Variants in ARHGAP22 observed in about 807,000 individuals in gnomAD.
ARHGAP22 encodes Rho GTPase activating protein 22.
In ARHGAP22, 48 loss-of-function variants were observed where a neutral mutation model predicts 59.1. The ratio of observed to expected loss-of-function variants is 0.81; its 90% CI spans 0.64 to 1.03. The LOEUF (loss-of-function observed/expected upper bound fraction) is 1.03. Among genes scored for constraint, ARHGAP22 ranks in the 50% least tolerant of loss-of-function variants. The pLI is 0.00. For synonymous variants in ARHGAP22, 445 were observed against 416.4 expected, an observed-to-expected ratio of 1.07 and a Z score of -0.84; for missense variants, 1,015 against 958.7, an observed-to-expected ratio of 1.06 and a Z score of -0.78.
At chr10:48,551,799 G>A (rs1288991390) in intron 3 of ARHGAP22, among the ~76,000 whole-genome samples, 1 of 152,230 alleles carries the variant, frequency 6.6e-6, no homozygotes, top group Non-Finnish European at 1.5e-5. Context: ...GGAACCAGAG[G>A]TGTATGCTGT....
intron 1 of ARHGAP22, among the ~76,000 whole-genome samples, chr10:48,600,400 C>T (rs1460785152): frequency 5.9e-5 from 9 of 152,138 alleles, no homozygotes; most frequent in Admixed American, 4.6e-4. Flanking sequence ...AGAAAACTTT[C>T]TGGGCTTAAG....
chr10:48,600,905 A>G (rs1218697270), intron 1 of ARHGAP22, among the ~76,000 whole-genome samples: 6 of 152,310 alleles, frequency 3.9e-5, no homozygotes, highest in African/African-American at 1.2e-4. Context: ...TCTCCAGAGC[A>G]GGCTCTTCTG....
intron 3 of ARHGAP22, among the ~76,000 whole-genome samples, chr10:48,515,659 C>G (rs1171748288): frequency 6.6e-6 from 1 of 152,174 alleles, no homozygotes; most frequent in Non-Finnish European, 1.5e-5. Flanking sequence ...GAGGATAGAC[C>G]ATTTACTAAA....
rs17010627 is a variant in ARHGAP22, at chr10:48,547,807, G to A, written c.322+7656C>T. Among the ~76,000 whole-genome samples the A allele has an allele frequency of 2.1e-3, 322 of 152,328 alleles. 1 individual carries two copies. The highest frequency in any genetic ancestry group is 6.7e-3 in the African/African-American group (277 of 41,564). ...TGCAATGTTGTTGAAAAGGCATCCC[G>A]TCCTGGCCCCTTGTCTGGCACTTGG... On this transcript the variant is annotated intron_variant, in intron 3 of 9. Transcript: ENST00000249601.
At chr10:48,482,895 T>C (rs958468910) in intron 3 of ARHGAP22, among the ~76,000 whole-genome samples, 1 of 152,118 alleles carries the variant, frequency 6.6e-6, no homozygotes, top group Non-Finnish European at 1.5e-5. Flanking sequence ...TCTAACTCTA[T>C]GTGTGTACCC....
At chr10:48,577,224 G>A (rs894583946) in intron 2 of ARHGAP22, among the ~76,000 whole-genome samples, 8 of 151,972 alleles carry the variant, frequency 5.3e-5, no homozygotes, top group Admixed American at 1.3e-4. Flanking sequence ...TGACTCTTCC[G>A]TATTTAGAGA....
intron 2 of ARHGAP22, among the ~76,000 whole-genome samples, chr10:48,573,831 A>G (rs2058545310): frequency 6.6e-6 from 1 of 152,252 alleles, no homozygotes; most frequent in South Asian, 2.1e-4. Context: ...AGTAGGTGGT[A>G]TAAATGGGAC....
chr10:48,593,391 A>G (rs572839391), intron 1 of ARHGAP22, among the ~76,000 whole-genome samples: 1 of 152,308 alleles, frequency 6.6e-6, no homozygotes, highest in South Asian at 2.1e-4. Context: ...ATGTTCCCAG[A>G]CCCCTGAGGA....
At chr10:48,573,070 A>G (rs1326690429) in intron 2 of ARHGAP22, among the ~76,000 whole-genome samples, 1 of 152,214 alleles carries the variant, frequency 6.6e-6, no homozygotes, top group Non-Finnish European at 1.5e-5. Context: ...CATCAGATAT[A>G]TAAAAGTTAG....
chr10:48,511,736 G>C (rs1564796108), intron 3 of ARHGAP22: 1 of 152,258 alleles, frequency 6.6e-6, no homozygotes, highest in African/African-American at 2.4e-5. Flanking sequence ...TGACATCATT[G>C]ACTGTTCAAG....
intron 1 of ARHGAP22, among the ~76,000 whole-genome samples, chr10:48,614,707 G>A (rs2061015545): frequency 6.6e-6 from 1 of 152,202 alleles, no homozygotes; most frequent in Non-Finnish European, 1.5e-5. Context: ...AGTAAGAACA[G>A]CAAGGTTTGT....
chr10:48,641,398 A>T (rs1025844647), intron 1 of ARHGAP22, among the ~76,000 whole-genome samples: 3 of 152,182 alleles, frequency 2.0e-5, no homozygotes, highest in African/African-American at 7.2e-5. Flanking sequence ...ATGGAAAAAT[A>T]TATGCCACAC....
rs535608241 is a variant in ARHGAP22, at chr10:48,484,648, T to G, written c.323-4884A>C. ...AAATGTTTGTAATAACAAATACAAT[T>G]TCTTTAATATATACATCTATTTCTT... On this transcript the variant is annotated intron_variant, in intron 3 of 9. Coordinates refer to ENST00000249601, the MANE Select transcript of ARHGAP22 (RefSeq NM_021226.4). Among the ~76,000 whole-genome samples the G allele has an allele frequency of 4.9e-4, 74 of 152,372 alleles. 1 individual carries two copies. The highest frequency in any genetic ancestry group is 1.8e-3 in the African/African-American group (74 of 41,586).
chr10:48,646,370 C>T (rs2062298150), intron 1 of ARHGAP22, among the ~76,000 whole-genome samples: 1 of 152,058 alleles, frequency 6.6e-6, no homozygotes, highest in African/African-American at 2.4e-5. Context: ...ACACAAAGGG[C>T]CTAGAATAGG....
intron 1 of ARHGAP22, among the ~76,000 whole-genome samples, chr10:48,620,288 C>A (rs1291246922): frequency 9.6e-6 from 1 of 104,186 alleles, no homozygotes; most frequent in Non-Finnish European, 2.0e-5. Flanking sequence ...TAAAGTTGGA[C>A]AGTTTCTTAA....
intron 9 of ARHGAP22, among the ~76,000 whole-genome samples, chr10:48,448,650 A>G (rs138141624): frequency 1.5e-5 from 2 of 137,638 alleles, no homozygotes; most frequent in Admixed American, 7.9e-5. Flanking sequence ...ACATTCCCCA[A>G]TCACCTGCTG....
chr10:48,459,903 G>C lies in ARHGAP22; in HGVS notation c.452-12C>G. On this transcript the variant is annotated splice_polypyrimidine_tract_variant and intron_variant, in intron 4 of 9. Coordinates refer to ENST00000249601, the MANE Select transcript of ARHGAP22 (RefSeq NM_021226.4). Reference sequence around the variant, plus strand: ...CTGCCCAAAGATCCCTGAGCACAGAGAGGAGCTAGTCACACCCTCCACCAC... The same window carrying C: ...CTGCCCAAAGATCCCTGAGCACAGACAGGAGCTAGTCACACCCTCCACCAC... 6 of 1,609,990 alleles carry C rather than the reference G, an allele frequency of 3.7e-6. No individual in the cohort carries two copies. Among genetic ancestry groups the C allele is most frequent in the South Asian group, 2.2e-5 (2 of 90,866 alleles).
At chr10:48,523,135 C>G (rs925768708) in intron 3 of ARHGAP22, among the ~76,000 whole-genome samples, 19 of 152,342 alleles carry the variant, frequency 1.2e-4, no homozygotes, top group African/African-American at 4.1e-4. Flanking sequence ...CTGGCAGAGC[C>G]TGCCTTACCC....
intron 9 of ARHGAP22, among the ~76,000 whole-genome samples, chr10:48,449,629 C>T (rs868772580): frequency 2.0e-5 from 3 of 152,332 alleles, no homozygotes; most frequent in South Asian, 2.1e-4. Context: ...AAACGCCCTG[C>T]GCTGGAGAAC....
Sources: gnomAD v4.1 joint callset for allele counts (sites outside exome capture counted in the v4.1 genomes callset) on GRCh38, gnomAD v4.1.1 for gene constraint, MANE v1.5 for transcripts, NCBI Gene and HGNC (gene_info 2026-07-23, HGNC 2026-07-21) for gene names.